ETFB: variants seen among roughly 807,000 people sequenced by gnomAD.
ETFB encodes the protein electron transfer flavoprotein subunit beta.
A neutral mutation model predicts 25.6 loss-of-function variants in ETFB; 20 were observed. That is an observed-to-expected ratio of 0.78 (90% CI 0.55 to 1.14). The LOEUF is 1.14. Among genes scored for constraint, ETFB ranks in the 50% most tolerant of loss-of-function variants. The pLI is 0.00. For synonymous variants in ETFB, 142 were observed against 146.7 expected (o/e 0.97, Z 0.23); for missense variants, 286 against 342.6 (o/e 0.83, Z 1.30).
intron 1 of ETFB, chr19:51,354,747 A>T: frequency 7.7e-7 from 1 of 1,301,458 alleles, no homozygotes; most frequent in Non-Finnish European, 1.1e-6. Flanking sequence ...GGTGGTCCTC[A>T]GAGGAGCAGC....
chr19:51,353,131 C>A lies in ETFB; in HGVS notation c.375+1G>T. 1 of 1,613,998 alleles carries A rather than the reference C, an allele frequency of 6.2e-7. No homozygotes were observed. Among genetic ancestry groups the A allele is most frequent in the Non-Finnish European group, 8.5e-7 (1 of 1,179,990 alleles). On this transcript the variant is annotated splice_donor_variant, in intron 3 of 5. Coordinates refer to ENST00000309244, the MANE Select transcript of ETFB (RefSeq NM_001985.3). LOFTEE classifies it high-confidence loss of function. ...GCACAGGGAGGGCTGACCACAGCTA[C>A]CTGTTTGCCCAGCAGCACCAGGTCC...
intron 1 of ETFB, among the ~76,000 whole-genome samples, chr19:51,364,820 G>A (rs547949391): frequency 1.1e-4 from 16 of 152,306 alleles, no homozygotes; most frequent in Admixed American, 5.2e-4. Context: ...CCGGGGTTTC[G>A]ATCGTAACTC....
intron 1 of ETFB, chr19:51,357,110 G>A (rs2123597335): frequency 6.8e-6 from 1 of 147,212 alleles, no homozygotes; most frequent in Non-Finnish European, 1.5e-5. Flanking sequence ...CTCTCGCTCT[G>A]TCGCCCAGGC....
At chr19:51,345,450 A>C in intron 5 of ETFB, 69 bp from the exon 6 acceptor site, 2 of 1,511,774 alleles carry the variant, frequency 1.3e-6, no homozygotes, top group Non-Finnish European at 1.8e-6. Flanking sequence ...CCTCCTTCCC[A>C]TGGGTGCCAG....
chr19:51,351,711 ATCTC>A (rs1209160477), intron 3 of ETFB, among the ~76,000 whole-genome samples: 3 of 151,974 alleles, frequency 2.0e-5, no homozygotes, highest in Non-Finnish European at 4.4e-5. Context: ...GCTGTTGATA[ATCTC>A]TCTCTGTTTT....
intron 1 of ETFB, among the ~76,000 whole-genome samples, chr19:51,360,772 C>A (rs897742894): frequency 1.1e-4 from 17 of 149,858 alleles, no homozygotes; most frequent in Non-Finnish European, 1.6e-4. Context: ...CTCTTTCTCT[C>A]TCTCTCTCTC....
At chr19:51,355,949 G>A (rs1323354484) in intron 1 of ETFB, 4 of 126,418 alleles carry the variant, frequency 3.2e-5, no homozygotes, top group Non-Finnish European at 6.6e-5. Flanking sequence ...TCGTGGGGTG[G>A]GGGGAGGGGG....
chr19:51,348,006 G>A (rs1192343888), intron 4 of ETFB: 1 of 152,260 alleles, frequency 6.6e-6, no homozygotes, highest in African/African-American at 2.4e-5. Flanking sequence ...ATGCTTTGAA[G>A]ATAAAACAGG....
intron 5 of ETFB, 192 bp from the exon 6 acceptor site, chr19:51,345,573 C>G (rs1292896102): frequency 1.6e-6 from 1 of 628,580 alleles, no homozygotes. Context: ...GGCTAGGAGG[C>G]CCTGGGAGGC....
At chr19:51,359,800 A>T (rs1186606560) in intron 1 of ETFB, among the ~76,000 whole-genome samples, 1 of 152,088 alleles carries the variant, frequency 6.6e-6, no homozygotes, top group African/African-American at 2.4e-5. Context: ...AAGGAGGATC[A>T]CTGGAGCCCA....
intron 1 of ETFB, among the ~76,000 whole-genome samples, chr19:51,364,633 T>A (rs946769801): frequency 6.6e-6 from 1 of 152,150 alleles, no homozygotes; most frequent in African/African-American, 2.4e-5. Flanking sequence ...ACTCCAAAGA[T>A]GTGACAGTAA....
At chr19:51,365,734 TTC>T (rs1338071806) in intron 1 of ETFB, among the ~76,000 whole-genome samples, 1 of 152,086 alleles carries the variant, frequency 6.6e-6, no homozygotes, top group Non-Finnish European at 1.5e-5. Context: ...GCAAACACAC[TTC>T]TCTCTCCCTA....
chr19:51,349,657 C>G (rs1369074209), intron 4 of ETFB, among the ~76,000 whole-genome samples: 1 of 151,918 alleles, frequency 6.6e-6, no homozygotes, highest in East Asian at 1.9e-4. Flanking sequence ...GTTGCCAAGG[C>G]TGGTCTCGAA....
At chr19:51,361,011 T>C (rs1324235679) in intron 1 of ETFB, among the ~76,000 whole-genome samples, 2 of 151,916 alleles carry the variant, frequency 1.3e-5, no homozygotes, top group African/African-American at 4.8e-5. Flanking sequence ...GGTCTCAATC[T>C]CCTAACCTTG....
chr19:51,354,804 A>C (rs1202747428), intron 1 of ETFB: 7 of 733,252 alleles, frequency 9.5e-6, no homozygotes, highest in Non-Finnish European at 1.3e-5. Context: ...CAGCCTGGGG[A>C]AAACTCAAGC....
chr19:51,366,195 A>C, intron 1 of ETFB, 75 bp downstream of exon 1: 2 of 1,439,948 alleles, frequency 1.4e-6, no homozygotes, highest in Non-Finnish European at 2.0e-6. Flanking sequence ...GAAGACCCCC[A>C]CCCAGTGTGC....
At chr19:51,360,871 C>T (rs1308980828) in intron 1 of ETFB, among the ~76,000 whole-genome samples, 2 of 152,078 alleles carry the variant, frequency 1.3e-5, no homozygotes, top group Non-Finnish European at 2.9e-5. Context: ...CTGCAAACTC[C>T]ACCTTCTGGG....
chr19:51,352,773 A>C (rs1985960733), intron 3 of ETFB, among the ~76,000 whole-genome samples: 1 of 152,122 alleles, frequency 6.6e-6, no homozygotes, highest in South Asian at 2.1e-4. Context: ...GATTACAGGC[A>C]GGTGATACCA....
At chr19:51,349,447 C>CT (rs11428639) in intron 4 of ETFB, among the ~76,000 whole-genome samples, 110,412 of 133,920 alleles carry the variant, frequency 0.82, 46,078 homozygotes, top group Non-Finnish European at 0.86. Context: ...TGCCTTGCTT[C>CT]TTTTTTTTTT....
Sources: allele counts gnomAD v4.1 joint callset (sites outside exome capture counted in the v4.1 genomes callset), GRCh38; gene constraint gnomAD v4.1.1; transcripts MANE v1.5; gene names NCBI Gene and HGNC (gene_info 2026-07-23, HGNC 2026-07-21).